GDPD5: variants seen among roughly 807,000 people sequenced by gnomAD.
The protein encoded by GDPD5 is glycerophosphodiester phosphodiesterase domain containing 5.
A neutral mutation model predicts 75.1 loss-of-function variants in GDPD5; 48 were observed. The observed-to-expected ratio is 0.64, with a 90% CI of 0.51 to 0.81. GDPD5 has a LOEUF of 0.81. Ranked by LOEUF, GDPD5 falls within the 40% of genes least tolerant of loss-of-function variation. The probability of loss-of-function intolerance (pLI) is 0.00; values close to 1 mark genes in which losing one functional copy is unlikely to be tolerated. For missense variants in GDPD5, 706 were observed against 822.6 expected (o/e 0.86, Z 1.73); for synonymous variants, 336 against 339.0 (o/e 0.99, Z 0.10).
intron 3 of GDPD5, 64 bp downstream of exon 3, chr11:75,477,555 C>T: frequency 1.3e-5 from 14 of 1,066,440 alleles, no homozygotes; most frequent in Middle Eastern, 2.1e-4. Flanking sequence ...AAGACCCCTC[C>T]CCCAGCCCCT....
At chr11:75,435,895 CCT>C (rs891139708) in intron 16 of GDPD5, among the ~76,000 whole-genome samples, 8 of 152,222 alleles carry the variant, frequency 5.3e-5, no homozygotes, top group African/African-American at 1.9e-4. Flanking sequence ...CACCTGTGCC[CCT>C]GAGCTTGGCA....
At chr11:75,457,268 G>T (rs1400863404) in intron 5 of GDPD5, among the ~76,000 whole-genome samples, 2 of 152,206 alleles carry the variant, frequency 1.3e-5, no homozygotes, top group East Asian at 3.9e-4. Flanking sequence ...AGCCTGCAGT[G>T]GGCCCTCTCG....
At chr11:75,463,716 TC>T (rs916939355) in intron 3 of GDPD5, among the ~76,000 whole-genome samples, 2 of 152,182 alleles carry the variant, frequency 1.3e-5, no homozygotes, top group Admixed American at 6.5e-5. Flanking sequence ...CAGCCCTACG[TC>T]TGAGCTCCCT....
intron 3 of GDPD5, among the ~76,000 whole-genome samples, chr11:75,469,446 A>G (rs1393371421): frequency 6.6e-6 from 1 of 152,244 alleles, no homozygotes; most frequent in Non-Finnish European, 1.5e-5. Flanking sequence ...AAGGGCACAC[A>G]TAATGGTGGA....
chr11:75,502,263 A>C (rs1950315920), intron 1 of GDPD5, among the ~76,000 whole-genome samples: 1 of 152,138 alleles, frequency 6.6e-6, no homozygotes, highest in African/African-American at 2.4e-5. Flanking sequence ...ACTTTTGCAA[A>C]GTTAATTTCT....
At chr11:75,436,680 CAACCA>C (rs978688121) in intron 16 of GDPD5, among the ~76,000 whole-genome samples, 3 of 152,208 alleles carry the variant, frequency 2.0e-5, no homozygotes, top group African/African-American at 7.2e-5. Context: ...CCCTGCCCAC[CAACCA>C]TGGCACTGAC....
chr11:75,515,562 C>G (rs1179386761), intron 1 of GDPD5, among the ~76,000 whole-genome samples: 1 of 152,248 alleles, frequency 6.6e-6, no homozygotes, highest in African/African-American at 2.4e-5. Context: ...TGGCATGGCT[C>G]TTAACACCCT....
At chr11:75,486,548 G>A (rs1296479311) in intron 2 of GDPD5, among the ~76,000 whole-genome samples, 6 of 152,168 alleles carry the variant, frequency 3.9e-5, no homozygotes, top group Admixed American at 6.5e-5. Flanking sequence ...ATAGGGCTCC[G>A]GGATCATGGC....
At chr11:75,474,951 G>A (rs1263432621) in intron 3 of GDPD5, among the ~76,000 whole-genome samples, 1 of 152,178 alleles carries the variant, frequency 6.6e-6, no homozygotes, top group African/African-American at 2.4e-5. Flanking sequence ...ATCTTCCCTA[G>A]TCTCCAGCAG....
At chr11:75,498,665 T>C (rs190665874) in intron 1 of GDPD5, among the ~76,000 whole-genome samples, 1 of 152,200 alleles carries the variant, frequency 6.6e-6, no homozygotes, top group Admixed American at 6.5e-5. Context: ...TCTGTGGGAT[T>C]TTGCCTCTAG....
chr11:75,457,536 G>T (rs568296919), intron 5 of GDPD5, among the ~76,000 whole-genome samples, 157 bp downstream of exon 5: 1 of 152,286 alleles, frequency 6.6e-6, no homozygotes, highest in Non-Finnish European at 1.5e-5. Flanking sequence ...CTGTATTTTT[G>T]ATTACTTCCT....
At chr11:75,473,930 C>G (rs969472281) in intron 3 of GDPD5, among the ~76,000 whole-genome samples, 4 of 152,170 alleles carry the variant, frequency 2.6e-5, no homozygotes, top group African/African-American at 9.7e-5. Context: ...TCTGTTCCCC[C>G]ACAAGCCTGG....
Position 75,445,778 on chromosome 11 carries a change from C to T in GDPD5, c.715-1283G>A, listed in dbSNP as rs989564880. ...CCAGGGAGTGGTGAGGGCTTTGGAACGGACTAAAAAGGTGCAATTTCACTT... is the reference window on the plus strand; with the variant it reads ...CCAGGGAGTGGTGAGGGCTTTGGAATGGACTAAAAAGGTGCAATTTCACTT... On this transcript the variant is annotated intron_variant, in intron 9 of 16. Transcript: ENST00000336898. Among the ~76,000 whole-genome samples, 9 of 152,282 alleles carry T rather than the reference C, an allele frequency of 5.9e-5. No homozygotes were observed. In the South Asian group the frequency reaches 8.3e-4, roughly 14 times the overall value.
At position 75,441,307 on chromosome 11, in the gene GDPD5, G is replaced by C; in HGVS notation, c.1329C>G (p.Asp443Glu). Reference sequence around the variant, plus strand: ...TCACACTCAGGTTCCAGGACGCGTAGTCCCTGTGGGGCAGGGGAGAGGCAG... The same window carrying C: ...TCACACTCAGGTTCCAGGACGCGTACTCCCTGTGGGGCAGGGGAGAGGCAG... ...YTQVSRQELRDYASWNLSVNL... is the reference protein window; with the variant it reads ...YTQVSRQELREYASWNLSVNL... Residue 443 changes from aspartate to glutamate, a missense_variant, in exon 14 of 17, where the codon GAC becomes GAG. Physicochemically the swap from Asp to Glu is conservative, Grantham distance 45. Transcript: ENST00000336898. 1 of 1,614,164 alleles carries C rather than the reference G, an allele frequency of 6.2e-7. No individual in the cohort carries two copies. Among genetic ancestry groups the C allele is most frequent in the South Asian group, 1.1e-5 (1 of 91,084 alleles).
chr11:75,511,390 AATAAG>A (rs1163537279), intron 1 of GDPD5, among the ~76,000 whole-genome samples: 1 of 152,162 alleles, frequency 6.6e-6, no homozygotes, highest in Non-Finnish European at 1.5e-5. Flanking sequence ...TGCATGTTCA[AATAAG>A]CTTAGGAAAG....
intron 1 of GDPD5, chr11:75,506,530 C>A (rs1270215133): frequency 6.6e-6 from 1 of 152,252 alleles, no homozygotes; most frequent in Non-Finnish European, 1.5e-5. Flanking sequence ...TGAGCAGAGG[C>A]CTGGTTCCAT....
chr11:75,507,807 A>C (rs1021259680), intron 1 of GDPD5, among the ~76,000 whole-genome samples: 8 of 152,192 alleles, frequency 5.3e-5, no homozygotes, highest in Non-Finnish European at 1.2e-4. Context: ...CAGCTGTCCC[A>C]TTAAGGAAAG....
chr11:75,449,786 C>T lies in GDPD5; in HGVS notation c.474+99G>A, dbSNP rs1949090360. The T allele has an allele frequency of 3.7e-6, 5 of 1,351,884 alleles. No individual in the cohort carries two copies. The Admixed American group carries it at 8.8e-5, about 24-fold the overall frequency. The allele number at this position is 1,351,884 out of a possible 1,614,324, so 83.7% of individuals were successfully genotyped here. ...CCTAGTTCTGACCTGCTCTGTGACC[C>T]TGGGCGCCTCCCTGCCCTTCTTTGG... is the stretch of plus-strand genomic sequence containing the variant. On this transcript the variant is annotated intron_variant, in intron 7 of 16. Transcript: ENST00000336898.
At chr11:75,458,133 C>T (rs535694480) in intron 4 of GDPD5, among the ~76,000 whole-genome samples, 4 of 152,326 alleles carry the variant, frequency 2.6e-5, no homozygotes, top group South Asian at 2.1e-4. Flanking sequence ...CAAAGCAACA[C>T]GGTCAGGAGC....
Sources: gnomAD v4.1 joint callset for allele counts (sites outside exome capture counted in the v4.1 genomes callset) on GRCh38, gnomAD v4.1.1 for gene constraint, MANE v1.5 for transcripts, NCBI Gene and HGNC (gene_info 2026-07-23, HGNC 2026-07-21) for gene names.